The following PPP1R12B variants were observed in gnomAD, a reference collection of about 807,000 sequenced individuals.
PPP1R12B encodes myosin phosphatase target subunit 2.
In PPP1R12B, 76 loss-of-function variants were observed where a neutral mutation model predicts 126.1. That is an observed-to-expected ratio of 0.60 (90% CI 0.50 to 0.73). PPP1R12B has a LOEUF of 0.73. PPP1R12B is among the 30% of genes least tolerant of loss of function. The probability of loss-of-function intolerance (pLI) is 0.00; values close to 1 mark genes in which losing one functional copy is unlikely to be tolerated. For missense variants in PPP1R12B, 1,052 were observed against 1,205.1 expected, an observed-to-expected ratio of 0.87 and a Z score of 1.88; for synonymous variants, 356 against 434.7, an observed-to-expected ratio of 0.82 and a Z score of 2.25.
chr1:202,470,272 G>A (rs371045433), intron 13 of PPP1R12B, among the ~76,000 whole-genome samples: 2 of 152,136 alleles, frequency 1.3e-5, no homozygotes, highest in East Asian at 3.9e-4. Flanking sequence ...GGCATATTTA[G>A]CTTCCTTTAG....
intron 1 of PPP1R12B, 93 bp downstream of exon 1, chr1:202,349,235 C>G (rs894000232): frequency 6.9e-7 from 1 of 1,443,132 alleles, no homozygotes; most frequent in Non-Finnish European, 9.4e-7. Flanking sequence ...AGTGTTGCCG[C>G]CGACTCCTTC....
chr1:202,548,816 A>G (rs954219842), intron 18 of PPP1R12B, among the ~76,000 whole-genome samples: 9 of 120,790 alleles, frequency 7.5e-5, no homozygotes, highest in Non-Finnish European at 1.6e-4. Flanking sequence ...CTCTATATAT[A>G]TATATATATA....
At chr1:202,372,374 C>T (rs923192512) in intron 1 of PPP1R12B, among the ~76,000 whole-genome samples, 4 of 151,762 alleles carry the variant, frequency 2.6e-5, no homozygotes, top group African/African-American at 4.8e-5. Context: ...TATGGTGGTG[C>T]GTGCGGATAG....
intron 18 of PPP1R12B, among the ~76,000 whole-genome samples, chr1:202,545,762 A>G (rs1467556100): frequency 1.3e-5 from 2 of 152,212 alleles, no homozygotes; most frequent in Non-Finnish European, 2.9e-5. Flanking sequence ...ATGTTTGGAG[A>G]ACAATAGAAG....
chr1:202,409,274 C>A (rs1320664665), intron 1 of PPP1R12B, among the ~76,000 whole-genome samples: 3 of 151,402 alleles, frequency 2.0e-5, no homozygotes, highest in African/African-American at 7.3e-5. Flanking sequence ...AGAGGCTATA[C>A]CATTTTACAT....
intron 18 of PPP1R12B, among the ~76,000 whole-genome samples, chr1:202,515,186 A>G (rs1572354259): frequency 1.3e-5 from 2 of 152,284 alleles, no homozygotes; most frequent in South Asian, 2.1e-4. Context: ...AAAGATAACT[A>G]TTGGGTACTA....
In PPP1R12B at chr1:202,449,317, C is replaced by T. The variant is rs573388212; in HGVS notation, c.1850+146C>T. ...TTGAGACAGAGCCTCACTCTGTCGC[C>T]CAGGCTGGAGTGCAGTGGCGCCATC... On this transcript the variant is annotated intron_variant, in intron 13 of 23. Transcript: ENST00000608999. The T allele has an allele frequency of 2.1e-4, 282 of 1,347,130 alleles. No homozygotes were observed. The East Asian group carries it at 4.4e-3, about 21-fold the overall frequency. The allele number at this position is 1,347,130 out of a possible 1,614,324, so 83.4% of individuals were successfully genotyped here.
intron 10 of PPP1R12B, chr1:202,438,621 C>A: frequency 3.9e-6 from 2 of 507,208 alleles, no homozygotes; most frequent in Non-Finnish European, 3.7e-6. Context: ...AGCCTGAGCC[C>A]GCCCCGTCCC....
intron 1 of PPP1R12B, among the ~76,000 whole-genome samples, chr1:202,402,391 A>G (rs1242302907): frequency 6.6e-6 from 1 of 152,126 alleles, no homozygotes; most frequent in African/African-American, 2.4e-5. Flanking sequence ...TGTATTTTTC[A>G]TTCTACTTCC....
At chr1:202,358,610 A>T (rs1210801832) in intron 1 of PPP1R12B, among the ~76,000 whole-genome samples, 1 of 149,136 alleles carries the variant, frequency 6.7e-6, no homozygotes, top group Admixed American at 6.8e-5. Context: ...TGAACCCGGG[A>T]GGTGGAGGTT....
chr1:202,497,226 C>A (rs917852606), intron 18 of PPP1R12B, among the ~76,000 whole-genome samples: 24 of 152,254 alleles, frequency 1.6e-4, no homozygotes, highest in African/African-American at 5.5e-4. Context: ...TCAGACAGTC[C>A]CCAAGTCATT....
chr1:202,423,764 A>G (rs906804505), intron 3 of PPP1R12B, among the ~76,000 whole-genome samples: 4 of 151,772 alleles, frequency 2.6e-5, no homozygotes, highest in Non-Finnish European at 5.9e-5. Context: ...GCTCATTGCA[A>G]CCTCTGCCTT....
rs374267972 is a variant in PPP1R12B at position 202,439,573 on chromosome 1, C to T, written c.1459-1133C>T. 1.8e-5 allele frequency: 26 copies of T among 1,413,960 alleles called. No homozygotes were observed. In the East Asian group the frequency reaches 3.2e-4, roughly 18 times the overall value. 87.6% of individuals were successfully genotyped at this position (1,413,960 alleles called of 1,614,324 possible). On this transcript the variant is annotated intron_variant, in intron 10 of 23. Transcript: ENST00000608999. Reference sequence around the variant, plus strand: ...GTCACTCCTGCCAGGAACTGACCACCCAGGTGGCCGCCACCCCCTCTGTAC... The same window carrying T: ...GTCACTCCTGCCAGGAACTGACCACTCAGGTGGCCGCCACCCCCTCTGTAC...
At chr1:202,498,550 A>C (rs1193498018) in intron 18 of PPP1R12B, among the ~76,000 whole-genome samples, 2 of 152,138 alleles carry the variant, frequency 1.3e-5, no homozygotes, top group Admixed American at 1.3e-4. Flanking sequence ...CTTTCAGTTA[A>C]ATTCTTAACT....
chr1:202,388,267 T>C (rs1014299179), intron 1 of PPP1R12B, among the ~76,000 whole-genome samples: 42 of 152,322 alleles, frequency 2.8e-4, no homozygotes, highest in Non-Finnish European at 5.6e-4. Context: ...CACTGCAAGC[T>C]CTGCCTCCTG....
chr1:202,402,997 G>A (rs1006941855), intron 1 of PPP1R12B, among the ~76,000 whole-genome samples: 2 of 152,210 alleles, frequency 1.3e-5, no homozygotes, highest in African/African-American at 4.8e-5. Flanking sequence ...AATAGTGGAC[G>A]ATAGCTTGTG....
At chr1:202,574,748 T>C (rs1340267634) in intron 23 of PPP1R12B, among the ~76,000 whole-genome samples, 1 of 152,218 alleles carries the variant, frequency 6.6e-6, no homozygotes, top group African/African-American at 2.4e-5. Flanking sequence ...CTGGCAGTTA[T>C]ATTCATATGG....
At chr1:202,463,854 C>T (rs1434667869) in intron 13 of PPP1R12B, among the ~76,000 whole-genome samples, 3 of 152,140 alleles carry the variant, frequency 2.0e-5, no homozygotes, top group Non-Finnish European at 4.4e-5. Context: ...TGAATTCAGC[C>T]TACCCAGGAC....
chr1:202,463,600 TGAA>T (rs1674594446), intron 13 of PPP1R12B, among the ~76,000 whole-genome samples: 2 of 152,274 alleles, frequency 1.3e-5, no homozygotes, highest in African/African-American at 4.8e-5. Context: ...AATTATAAAA[TGAA>T]GAGACTAGTT....
Sources: gnomAD v4.1 joint callset for allele counts (sites outside exome capture counted in the v4.1 genomes callset) on GRCh38, gnomAD v4.1.1 for gene constraint, MANE v1.5 for transcripts, NCBI Gene and HGNC (gene_info 2026-07-23, HGNC 2026-07-21) for gene names.